The following CAMK4 variants were observed in gnomAD, a reference collection of about 807,000 sequenced individuals.
CAMK4 encodes calcium/calmodulin-dependent protein kinase type IV.
Under a neutral mutation model 44.9 loss-of-function variants are expected in CAMK4, and 22 were observed. The observed-to-expected ratio is 0.49, with a 90% CI of 0.35 to 0.70. The LOEUF is 0.70. Ranked by LOEUF, CAMK4 falls within the 30% of genes least tolerant of loss-of-function variation. The pLI is 0.01. For synonymous variants in CAMK4, 218 were observed against 215.4 expected (o/e 1.01, Z -0.11); for missense variants, 498 against 586.8 (o/e 0.85, Z 1.56).
chr5:111,361,302 T>G (rs1291243139), intron 2 of CAMK4, among the ~76,000 whole-genome samples: 1 of 152,046 alleles, frequency 6.6e-6, no homozygotes, highest in African/African-American at 2.4e-5. Flanking sequence ...GTTTTAAGGA[T>G]CAAGGAAAAG....
rs944380103 is a variant in CAMK4 at position 111,491,161 on chromosome 5, T to G, written c.*6695T>G. On this transcript the variant is annotated 3_prime_UTR_variant, in exon 11 of 11. Coordinates refer to ENST00000282356, the MANE Select transcript of CAMK4 (RefSeq NM_001744.6). ...CTGAACTCAAATCTCCAAAAATTTT[T>G]CAGAACTCAAGCAACCAATGATTCA... 1.3e-5 allele frequency: 2 copies of G among 152,178 alleles called. No individual in the cohort carries two copies. Among genetic ancestry groups the G allele is most frequent in the Non-Finnish European group, 2.9e-5 (2 of 68,028 alleles). The allele number at this position is 152,178 out of a possible 1,614,324, so 9.4% of individuals were successfully genotyped here.
At chr5:111,274,599 A>G (rs951049535) in intron 1 of CAMK4, among the ~76,000 whole-genome samples, 3 of 152,196 alleles carry the variant, frequency 2.0e-5, no homozygotes, top group African/African-American at 7.2e-5. Context: ...GTGGATTTGG[A>G]TAAGAAAAAT....
At chr5:111,232,455 A>G (rs1045811970) in intron 1 of CAMK4, among the ~76,000 whole-genome samples, 1 of 152,136 alleles carries the variant, frequency 6.6e-6, no homozygotes, top group African/African-American at 2.4e-5. Context: ...AGAAGAGGCA[A>G]AAAAAGGACA....
intron 1 of CAMK4, among the ~76,000 whole-genome samples, chr5:111,330,367 A>G (rs1749112285): frequency 6.6e-6 from 1 of 151,692 alleles, no homozygotes; most frequent in Non-Finnish European, 1.5e-5. Context: ...AGTGATACAC[A>G]CTGTAAATGG....
At chr5:111,305,229 C>A (rs1747880160) in intron 1 of CAMK4, among the ~76,000 whole-genome samples, 1 of 5,632 alleles carries the variant, frequency 1.8e-4, no homozygotes, top group Admixed American at 3.4e-3. Context: ...TGGCAGAAGG[C>A]AAGAAATAAC....
At chr5:111,352,483 T>G (rs979780467) in intron 2 of CAMK4, among the ~76,000 whole-genome samples, 3 of 152,096 alleles carry the variant, frequency 2.0e-5, no homozygotes, top group African/African-American at 7.2e-5. Flanking sequence ...TATGTTAGTT[T>G]GTTTTGTGCT....
chr5:111,289,925 A>C (rs890656735), intron 1 of CAMK4, among the ~76,000 whole-genome samples: 1 of 152,238 alleles, frequency 6.6e-6, no homozygotes, highest in African/African-American at 2.4e-5. Flanking sequence ...GGAATCTAAA[A>C]TTTAGTTGGA....
chr5:111,331,349 A>G (rs898648578), intron 1 of CAMK4, among the ~76,000 whole-genome samples: 2 of 151,740 alleles, frequency 1.3e-5, no homozygotes, highest in African/African-American at 4.8e-5. Context: ...CAACATCATT[A>G]TTCGTGGAAA....
intron 7 of CAMK4, among the ~76,000 whole-genome samples, chr5:111,470,317 A>G (rs993377845): frequency 1.7e-4 from 26 of 152,288 alleles, no homozygotes; most frequent in African/African-American, 6.3e-4. Flanking sequence ...CTTAAAAGAA[A>G]AGTTTTCTAG....
chr5:111,400,598 A>G (rs1752188301), intron 5 of CAMK4, among the ~76,000 whole-genome samples: 1 of 145,852 alleles, frequency 6.9e-6, no homozygotes, highest in African/African-American at 2.5e-5. Context: ...CACATATTTT[A>G]CAGTATTTCT....
In CAMK4 at chr5:111,472,086, G is replaced by A. The variant is rs1014018698; in HGVS notation, c.626-1225G>A. On this transcript the variant is annotated intron_variant, in intron 7 of 10. Transcript: ENST00000282356. Reference sequence around the variant, plus strand: ...TTTTTTGTATTTTTAGTAGAGACAGGGTTTCACCATGTTGGCCAGGCTGGA... The same window carrying A: ...TTTTTTGTATTTTTAGTAGAGACAGAGTTTCACCATGTTGGCCAGGCTGGA... 3.9e-5 allele frequency among the ~76,000 whole-genome samples: 6 copies of A among 151,944 alleles called. No individual in the cohort carries two copies. The East Asian group carries it at 1.2e-3, about 29-fold the overall frequency.
intron 1 of CAMK4, among the ~76,000 whole-genome samples, chr5:111,248,969 T>TG (rs1554054604): frequency 1.6e-4 from 23 of 145,146 alleles, no homozygotes; most frequent in East Asian, 6.5e-4. Context: ...GGGCGGTGTG[T>TG]GGGGGGGTCA....
At chr5:111,476,838 C>T (rs1755263577) in intron 8 of CAMK4, among the ~76,000 whole-genome samples, 1 of 152,186 alleles carries the variant, frequency 6.6e-6, no homozygotes, top group Admixed American at 6.5e-5. Flanking sequence ...CAGTTCTGCC[C>T]TAAGGCTTGA....
chr5:111,483,362 A>C (rs113592322), intron 10 of CAMK4, among the ~76,000 whole-genome samples: 1 of 152,172 alleles, frequency 6.6e-6, no homozygotes, highest in African/African-American at 2.4e-5. Flanking sequence ...AAATTTAAAA[A>C]TTTAAGTGAT....
chr5:111,342,286 T>C (rs1385186208), intron 1 of CAMK4, among the ~76,000 whole-genome samples: 2 of 151,460 alleles, frequency 1.3e-5, no homozygotes, highest in Non-Finnish European at 3.0e-5. Context: ...TTCTTTCAGG[T>C]ATTTTGAAAC....
chr5:111,242,796 C>T (rs1032326624), intron 1 of CAMK4, among the ~76,000 whole-genome samples: 1 of 152,122 alleles, frequency 6.6e-6, no homozygotes, highest in African/African-American at 2.4e-5. Flanking sequence ...TTGTGCAGCA[C>T]CTCCATGGTG....
chr5:111,299,548 T>C (rs1278794188), intron 1 of CAMK4, among the ~76,000 whole-genome samples: 1 of 152,250 alleles, frequency 6.6e-6, no homozygotes, highest in Non-Finnish European at 1.5e-5. Flanking sequence ...TAATTTTATA[T>C]TGTTTAAATG....
intron 1 of CAMK4, among the ~76,000 whole-genome samples, chr5:111,329,573 A>T (rs150103746): frequency 6.6e-5 from 10 of 151,956 alleles, no homozygotes; most frequent in Non-Finnish European, 1.5e-4. Context: ...TTGCATAGGT[A>T]TAAAAGTCCT....
At chr5:111,258,144 T>C (rs1402832315) in intron 1 of CAMK4, among the ~76,000 whole-genome samples, 1 of 152,176 alleles carries the variant, frequency 6.6e-6, no homozygotes, top group Non-Finnish European at 1.5e-5. Context: ...CACTCTGCAG[T>C]GTATGGAACT....
Sources: gnomAD v4.1 joint callset for allele counts (sites outside exome capture counted in the v4.1 genomes callset) on GRCh38, gnomAD v4.1.1 for gene constraint, MANE v1.5 for transcripts, NCBI Gene and HGNC (gene_info 2026-07-23, HGNC 2026-07-21) for gene names.